The following CDKN2A variants were observed in gnomAD, a reference collection of about 807,000 sequenced individuals.
The protein encoded by CDKN2A is cyclin dependent kinase inhibitor 2A.
Under a neutral mutation model 11.1 loss-of-function variants are expected in CDKN2A, and 3 were observed. The observed-to-expected ratio is 0.27, with a 90% CI of 0.12 to 0.70. The LOEUF is 0.70. CDKN2A is among the 30% of genes least tolerant of loss of function. The probability of loss-of-function intolerance (pLI) is 0.77; values close to 1 mark genes in which losing one functional copy is unlikely to be tolerated. For synonymous variants in CDKN2A, 122 were observed against 108.1 expected, an observed-to-expected ratio of 1.13 and a Z score of -0.80; for missense variants, 265 against 233.6, an observed-to-expected ratio of 1.13 and a Z score of -0.88.
chr9:21,994,302 C>A lies in CDKN2A; in HGVS notation c.-175-249G>T, dbSNP rs876658436. 7 of 1,604,944 alleles carry A rather than the reference C, an allele frequency of 4.4e-6. No individual in the cohort carries two copies. Among genetic ancestry groups the A allele is most frequent in the Non-Finnish European group, 6.0e-6 (7 of 1,176,434 alleles). On this transcript the variant is annotated intron_variant, in intron 1 of 3. Transcript: ENST00000494262. ...GCGGCGGGCCGCACGCGCGCCGAAT[C>A]CGGAGGGTCACCAAGAACCTGCGCA...
At chr9:21,982,725 T>A (rs549301297) in intron 2 of CDKN2A, among the ~76,000 whole-genome samples, 14 of 152,062 alleles carry the variant, frequency 9.2e-5, no homozygotes, top group Admixed American at 3.3e-4. Flanking sequence ...AATAAAAAAT[T>A]CATTAAAAGT....
At chr9:21,980,735 G>A (rs1456494898) in intron 2 of CDKN2A, among the ~76,000 whole-genome samples, 1 of 151,396 alleles carries the variant, frequency 6.6e-6, no homozygotes, top group South Asian at 2.1e-4. Context: ...CGAGGCGGGC[G>A]GATCACGAGG....
At chr9:21,987,396 AAC>A (rs375380204) in intron 2 of CDKN2A, among the ~76,000 whole-genome samples, 59 of 89,960 alleles carry the variant, frequency 6.6e-4, no homozygotes, top group African/African-American at 1.1e-3. Context: ...CCCTTATTAC[AAC>A]ACACACACAC....
rs1221729826 is a variant in CDKN2A at position 21,980,958 on chromosome 9, C to CA, written c.-3-9751dup. ...TGGGCAACAGAGCGAGACTCCGTCT[C>CA]AAAAAAAAAAAATGTATATATATAT... On this transcript the variant is annotated intron_variant, in intron 2 of 3. Transcript: ENST00000494262. 1.9e-3 allele frequency among the ~76,000 whole-genome samples: 44 copies of CA among 23,162 alleles called. 10 individuals carry two copies. The highest frequency in any genetic ancestry group is 5.6e-3 in the African/African-American group (43 of 7,670). The allele number at this position is 23,162 out of a possible 152,430, so 15.2% of individuals were successfully genotyped here.
At chr9:21,981,954 T>G (rs1820207675) in intron 2 of CDKN2A, among the ~76,000 whole-genome samples, 1 of 152,222 alleles carries the variant, frequency 6.6e-6, no homozygotes, top group Admixed American at 6.5e-5. Flanking sequence ...AATGTGTCCC[T>G]GGGAGTAGAT....
upstream of CDKN2A, among the ~76,000 whole-genome samples, chr9:21,976,491 G>A (rs1820034539): frequency 6.6e-6 from 1 of 151,072 alleles, no homozygotes; most frequent in Non-Finnish European, 1.5e-5. Flanking sequence ...CGAGACAGGC[G>A]GATCACCTGA....
In CDKN2A at chr9:21,981,122, G is replaced by A. The variant is rs1482530748; in HGVS notation, c.-3-9914C>T. Among the ~76,000 whole-genome samples, 6 of 5,548 alleles carry A rather than the reference G, an allele frequency of 1.1e-3. 2 individuals carry two copies. Among genetic ancestry groups the A allele is most frequent in the East Asian group, 0.024 (2 of 84 alleles). The allele number at this position is 5,548 out of a possible 152,430, so 3.6% of individuals were successfully genotyped here. A position where few individuals can be genotyped will look rare whatever the true frequency, so the allele number is the denominator to read the frequency against. The stretch of plus-strand genomic sequence containing the variant: ...TATATACGTGTATATATATATATAC[G>A]TGTATATATATATATACGTGTATAT... On this transcript the variant is annotated intron_variant, in intron 2 of 3. Transcript: ENST00000494262.
In CDKN2A at chr9:21,968,907, T is replaced by G; in HGVS notation, c.458-665A>C. The G allele has an allele frequency of 1.2e-6, 1 of 865,432 alleles. No homozygotes were observed. The highest frequency in any genetic ancestry group is 1.8e-6 in the Non-Finnish European group (1 of 542,406). 53.6% of individuals were successfully genotyped at this position (865,432 alleles called of 1,614,324 possible). On this transcript the variant is annotated intron_variant, in intron 2 of 2. Coordinates refer to ENST00000304494, the MANE Select transcript of CDKN2A (RefSeq NM_000077.5). This position sits in a 1 kb window ranked among gnomAD's most constrained non-coding sequence, Gnocchi z 4.7. ...TACACTTGAGAGTCTCAAGATTATT[T>G]TATTCCTGAGGGAGCATTTGCACTT...
At chr9:21,975,586 C>A (rs921220939), upstream of CDKN2A, among the ~76,000 whole-genome samples, 4 of 152,144 alleles carry the variant, frequency 2.6e-5, no homozygotes, top group African/African-American at 9.7e-5. Context: ...TCCCCTCCTG[C>A]GTGTAAAACG....
chr9:21,972,050 T>A (rs528181459), intron 1 of CDKN2A, among the ~76,000 whole-genome samples: 1 of 150,572 alleles, frequency 6.6e-6, no homozygotes, highest in African/African-American at 2.4e-5. Flanking sequence ...ATTCTACTCT[T>A]TACTGCTAAG....
chr9:21,994,461 C>G, intron 1 of CDKN2A: 1 of 1,536,926 alleles, frequency 6.5e-7, no homozygotes, highest in Non-Finnish European at 8.7e-7. Context: ...CCATCTCCGC[C>G]CCGCAGGCGC....
intron 2 of CDKN2A, chr9:21,992,136 T>C: frequency 1.2e-6 from 1 of 813,752 alleles, no homozygotes; most frequent in Non-Finnish European, 1.5e-6. Context: ...TTGCAGAAAC[T>C]TAAAAAAAGT....
intron 1 of CDKN2A, chr9:21,994,517 C>T (rs1820550794): frequency 1.5e-6 from 2 of 1,339,470 alleles, no homozygotes; most frequent in South Asian, 1.5e-5. Context: ...TTCACCCCCA[C>T]CCCCACCCCA....
intron 1 of CDKN2A, among the ~76,000 whole-genome samples, chr9:21,972,299 T>G (rs1255970996): frequency 6.6e-6 from 1 of 152,202 alleles, no homozygotes; most frequent in African/African-American, 2.4e-5. Flanking sequence ...CATTAACTTA[T>G]GTGGCAAAAG....
chr9:21,970,617 A>G (rs1423291328), intron 2 of CDKN2A: 3 of 599,140 alleles, frequency 5.0e-6, no homozygotes, highest in Non-Finnish European at 5.9e-6. Flanking sequence ...TCCGCAGTCT[A>G]GGCCTTGAAC....
upstream of CDKN2A, chr9:21,975,108 G>A: frequency 1.6e-6 from 2 of 1,264,526 alleles, no homozygotes; most frequent in Non-Finnish European, 2.0e-6. Context: ...GTCTCCCCCG[G>A]GGGCACCAGC....
At chr9:21,994,085 A>G in intron 1 of CDKN2A, 1 of 1,563,654 alleles carries the variant, frequency 6.4e-7, no homozygotes, top group Non-Finnish European at 8.7e-7. Context: ...ACGAAATCAC[A>G]CCAAACAAAA....
intron 1 of CDKN2A, among the ~76,000 whole-genome samples, chr9:21,973,660 T>C (rs1021240527): frequency 1.3e-5 from 2 of 152,154 alleles, no homozygotes; most frequent in Admixed American, 6.5e-5. Flanking sequence ...AAATGAGGAA[T>C]TGAAAACTCT....
chr9:21,968,662 A>C lies in CDKN2A; in HGVS notation c.458-420T>G. The C allele has an allele frequency of 6.5e-7, 1 of 1,535,252 alleles. No homozygotes were observed. ...GCACCTGGTGCGGAGTGAGCCAGCC[A>C]GCTTGCGATAACCAAAGGGCGCCTC... On this transcript the variant is annotated intron_variant, in intron 2 of 2. Transcript: ENST00000304494. This position sits in a 1 kb window ranked among gnomAD's most constrained non-coding sequence, Gnocchi z 4.7.
Sources: gnomAD v4.1 joint callset for allele counts (sites outside exome capture counted in the v4.1 genomes callset) on GRCh38, gnomAD v4.1.1 for gene constraint, Gnocchi (gnomAD v3.1) non-coding constraint, MANE v1.5 for transcripts, NCBI Gene and HGNC (gene_info 2026-07-23, HGNC 2026-07-21) for gene names.